Variants in PHEX observed in about 807,000 individuals in gnomAD.
The protein encoded by PHEX is phosphate regulating endopeptidase X-linked.
Under a neutral mutation model 68.0 loss-of-function variants are expected in PHEX, and 16 were observed. The observed-to-expected ratio is 0.24, with a 90% confidence interval of 0.16 to 0.36. The LOEUF (loss-of-function observed/expected upper bound fraction) is 0.36. Among genes scored for constraint, PHEX ranks in the 10% least tolerant of loss-of-function variants. The pLI is 1.00. For synonymous variants in PHEX, 208 were observed against 205.1 expected, an observed-to-expected ratio of 1.01 and a Z score of -0.12; for missense variants, 480 against 575.5, an observed-to-expected ratio of 0.83 and a Z score of 1.70.
intron 15 of PHEX, among the ~76,000 whole-genome samples, chrX:22,191,098 C>T (rs1366547722): frequency 2.7e-5 from 3 of 112,040 alleles, no homozygotes; most frequent in Non-Finnish European, 3.8e-5. Flanking sequence ...TGGCTCACTG[C>T]AACCTCTGCC....
At chrX:22,240,587 A>G (rs7891999) in intron 20 of PHEX, among the ~76,000 whole-genome samples, 3,528 of 111,359 alleles carry the variant, frequency 0.032, 135 homozygotes, top group African/African-American at 0.11. Flanking sequence ...CAAACAAAAA[A>G]AAAACAGAGG....
intron 18 of PHEX, among the ~76,000 whole-genome samples, chrX:22,222,947 G>A (rs1935318114): frequency 8.9e-6 from 1 of 111,863 alleles, no homozygotes; most frequent in Non-Finnish European, 1.9e-5. Context: ...ATCATGCTGA[G>A]GTTCTTATTT....
rs1297047728 is a variant in PHEX, at chrX:22,076,432, A to T, written c.394A>T (p.Ile132Leu). The change falls in exon 4 of 22, where the codon ATA becomes TTA. Residue 132 changes from isoleucine (I) to leucine (L), a missense_variant. Coordinates refer to ENST00000379374, the MANE Select transcript of PHEX (RefSeq NM_000444.6). ...SISRRRDTEA[I>L]QKAKILYSSC... ...CAGTAGAAGGCGGGACACCGAAGCCATACAGAAAGCCAAAATCCTTTATTC... is the reference window on the plus strand; with the variant it reads ...CAGTAGAAGGCGGGACACCGAAGCCTTACAGAAAGCCAAAATCCTTTATTC... The T allele has an allele frequency of 8.3e-7, 1 of 1,206,939 alleles. No homozygotes were observed. Among genetic ancestry groups the T allele is most frequent in the Non-Finnish European group, 1.1e-6 (1 of 891,941 alleles).
At chrX:22,143,748 G>T (rs1299404549) in intron 12 of PHEX, among the ~76,000 whole-genome samples, 1 of 112,257 alleles carries the variant, frequency 8.9e-6, no homozygotes, top group East Asian at 2.8e-4. Flanking sequence ...TTCTCATTCT[G>T]TTTAATTGGC....
At chrX:22,200,479 G>T (rs1485336241) in intron 15 of PHEX, among the ~76,000 whole-genome samples, 1 of 110,749 alleles carries the variant, frequency 9.0e-6, no homozygotes, top group East Asian at 2.8e-4. Flanking sequence ...CATGGTGGCT[G>T]GTGCCTGTAA....
At chrX:22,149,780 T>C (rs1472671199) in intron 12 of PHEX, among the ~76,000 whole-genome samples, 1 of 112,867 alleles carries the variant, frequency 8.9e-6, no homozygotes, top group African/African-American at 3.2e-5. Flanking sequence ...GGTTAAGTTT[T>C]GGCAAAGTGA....
chrX:22,206,174 C>T (rs769507635), intron 15 of PHEX, among the ~76,000 whole-genome samples: 6 of 112,161 alleles, frequency 5.3e-5, no homozygotes, highest in African/African-American at 9.7e-5. Context: ...AAAACCAGAA[C>T]TTGAATAATG....
At chrX:22,101,415 CT>C (rs1434550618) in intron 9 of PHEX, among the ~76,000 whole-genome samples, 2 of 111,893 alleles carry the variant, frequency 1.8e-5, no homozygotes, top group Non-Finnish European at 1.9e-5. Flanking sequence ...GAGGAAAAGT[CT>C]TCTTGGGTTC....
chrX:22,165,590 T>C (rs1933287456), intron 12 of PHEX, among the ~76,000 whole-genome samples: 1 of 111,154 alleles, frequency 9.0e-6, no homozygotes, highest in Non-Finnish European at 1.9e-5. Flanking sequence ...CAAGGAGCTC[T>C]AGTAGTTCCT....
intron 12 of PHEX, among the ~76,000 whole-genome samples, chrX:22,160,052 A>G (rs1933067203): frequency 8.9e-6 from 1 of 111,975 alleles, no homozygotes; most frequent in African/African-American, 3.2e-5. Context: ...CATTAAGGAG[A>G]GTCCTGAGCC....
intron 11 of PHEX, among the ~76,000 whole-genome samples, chrX:22,131,821 C>T (rs1932018320): frequency 9.0e-6 from 1 of 111,390 alleles, no homozygotes; most frequent in Admixed American, 9.5e-5. Context: ...CTTGGGTGTC[C>T]CATTGAGAAA....
chrX:22,106,389 T>C (rs1388132156), intron 9 of PHEX, among the ~76,000 whole-genome samples: 4 of 111,909 alleles, frequency 3.6e-5, no homozygotes, highest in African/African-American at 1.3e-4. Context: ...GAAGTCCTCG[T>C]AATTCTTTTT....
intron 10 of PHEX, among the ~76,000 whole-genome samples, chrX:22,113,880 A>C (rs1257868876): frequency 9.1e-6 from 1 of 110,430 alleles, no homozygotes; most frequent in Non-Finnish European, 1.9e-5. Context: ...TTAATGGGGA[A>C]AATTGGGAAG....
intron 13 of PHEX, chrX:22,171,233 T>C (rs1222332966): frequency 9.1e-6 from 1 of 110,459 alleles, no homozygotes; most frequent in Non-Finnish European, 1.9e-5. Context: ...GGCACCTTCT[T>C]CACAAGGCGG....
At chrX:22,236,856 CTAAT>C (rs1489608912) in intron 20 of PHEX, among the ~76,000 whole-genome samples, 30 of 112,498 alleles carry the variant, frequency 2.7e-4, no homozygotes, top group African/African-American at 9.7e-4. Flanking sequence ...ATAAAATAAA[CTAAT>C]TGATTGATAG....
chrX:22,034,408 A>G (rs1324050657), intron 1 of PHEX, among the ~76,000 whole-genome samples: 1 of 112,476 alleles, frequency 8.9e-6, no homozygotes, highest in East Asian at 2.8e-4. Flanking sequence ...ACAAAACTCT[A>G]CTTTTATGAT....
At chrX:22,237,817 A>G (rs1231691562) in intron 20 of PHEX, among the ~76,000 whole-genome samples, 1 of 111,982 alleles carries the variant, frequency 8.9e-6, no homozygotes, top group African/African-American at 3.2e-5. Context: ...TTCCATATTT[A>G]TGTGTCCTAG....
chrX:22,172,041 A>G (rs550751526), intron 13 of PHEX: 1 of 112,451 alleles, frequency 8.9e-6, no homozygotes, highest in African/African-American at 3.2e-5. Context: ...AGAGGTAAAT[A>G]TGCAAAGGAA....
At chrX:22,159,911 G>T (rs944683269) in intron 12 of PHEX, among the ~76,000 whole-genome samples, 1 of 112,329 alleles carries the variant, frequency 8.9e-6, no homozygotes, top group African/African-American at 3.2e-5. Flanking sequence ...GGAACAGAGA[G>T]ATTCAGAAAA....
Sources: allele counts gnomAD v4.1 joint callset (sites outside exome capture counted in the v4.1 genomes callset), GRCh38; gene constraint gnomAD v4.1.1; transcripts MANE v1.5; gene names NCBI Gene and HGNC (gene_info 2026-07-23, HGNC 2026-07-21).